CHRM2: variants seen among roughly 807,000 people sequenced by gnomAD.
The protein encoded by CHRM2 is muscarinic acetylcholine receptor M2.
CHRM2 carries 8 observed loss-of-function variants against 25.0 expected under a neutral mutation model. The observed-to-expected ratio is 0.32, with a 90% CI of 0.19 to 0.58. CHRM2 has a LOEUF of 0.58. Ranked by LOEUF, CHRM2 falls within the 20% of genes least tolerant of loss-of-function variation. The probability of loss-of-function intolerance (pLI) is 0.88; values close to 1 mark genes in which losing one functional copy is unlikely to be tolerated. For missense variants in CHRM2, 440 were observed against 567.1 expected (o/e 0.78, Z 2.28); for synonymous variants, 202 against 205.7 (o/e 0.98, Z 0.15).
At chr7:136,961,395 G>T (rs1250919624) in intron 2 of CHRM2, among the ~76,000 whole-genome samples, 1 of 152,098 alleles carries the variant, frequency 6.6e-6, no homozygotes, top group East Asian at 1.9e-4. Flanking sequence ...AGGTTTATCA[G>T]GAAGTAACAT....
intron 2 of CHRM2, among the ~76,000 whole-genome samples, chr7:136,910,940 G>A (rs1000261290): frequency 6.6e-6 from 1 of 151,578 alleles, no homozygotes; most frequent in Non-Finnish European, 1.5e-5. Flanking sequence ...TATTTTATAT[G>A]TCCCCATATA....
At chr7:136,887,391 A>G (rs1371592651) in intron 2 of CHRM2, among the ~76,000 whole-genome samples, 1 of 152,010 alleles carries the variant, frequency 6.6e-6, no homozygotes, top group Non-Finnish European at 1.5e-5. Context: ...TAGAATTGTC[A>G]ATCTCTGGTG....
intron 2 of CHRM2, among the ~76,000 whole-genome samples, chr7:136,946,589 GTTTA>G (rs1563082888): frequency 2.0e-5 from 3 of 152,072 alleles, no homozygotes; most frequent in African/African-American, 7.2e-5. Flanking sequence ...TTTTGTGGGG[GTTTA>G]TTTGTTCTAT....
intron 2 of CHRM2, among the ~76,000 whole-genome samples, chr7:136,982,077 C>A (rs145818763): frequency 6.6e-6 from 1 of 152,116 alleles, no homozygotes; most frequent in African/African-American, 2.4e-5. Flanking sequence ...GTTTAGGAGT[C>A]TAAGTCTCTT....
At chr7:136,980,140 C>T (rs324616) in intron 2 of CHRM2, among the ~76,000 whole-genome samples, 128,933 of 152,122 alleles carry the variant, frequency 0.85, 55,586 homozygotes, top group Middle Eastern at 0.97. Context: ...GTTTGTAGTT[C>T]TCCTTAAAGA....
chr7:136,878,095 C>G (rs1796117203), intron 2 of CHRM2, among the ~76,000 whole-genome samples: 2 of 151,916 alleles, frequency 1.3e-5, no homozygotes. Context: ...GGCACTGTTA[C>G]AAAGGGAAGA....
At chr7:136,875,887 T>G (rs143883601) in intron 2 of CHRM2, among the ~76,000 whole-genome samples, 2 of 152,248 alleles carry the variant, frequency 1.3e-5, no homozygotes, top group East Asian at 3.9e-4. Context: ...TTCCCCTTTA[T>G]TCTCCTCCTC....
intron 2 of CHRM2, among the ~76,000 whole-genome samples, chr7:136,923,997 A>T (rs542435554): frequency 4.9e-4 from 75 of 152,332 alleles, no homozygotes; most frequent in Non-Finnish European, 8.7e-4. Flanking sequence ...TGGGTGACAG[A>T]GTGAGACTCT....
chr7:137,007,177 C>A (rs542508764), intron 3 of CHRM2, among the ~76,000 whole-genome samples: 1 of 152,160 alleles, frequency 6.6e-6, no homozygotes, highest in African/African-American at 2.4e-5. Context: ...CACATCTGAC[C>A]AGCCTTGCTC....
In CHRM2 at chr7:136,904,322, T is replaced by C. The variant is rs186689829; in HGVS notation, c.-125+34904T>C. 9.4e-4 allele frequency among the ~76,000 whole-genome samples: 143 copies of C among 152,032 alleles called. 3 individuals carry two copies. Among genetic ancestry groups the C allele is most frequent in the Admixed American group, 9.3e-3 (142 of 15,238 alleles). On this transcript the variant is annotated intron_variant, in intron 2 of 3. Transcript: ENST00000680005. ...AACAGTTTTAAAAATTATTATAACA[T>C]TTTTCTAAGTCACTTGCCTATTCAC... is the stretch of plus-strand genomic sequence containing the variant.
rs191497844 is a variant in CHRM2 at position 136,950,484 on chromosome 7, G to C, written c.-124-41703G>C. Among the ~76,000 whole-genome samples, 32 of 152,252 alleles carry C rather than the reference G, an allele frequency of 2.1e-4. 1 individual carries two copies. Among genetic ancestry groups the C allele is most frequent in the Admixed American group, 2.0e-3 (30 of 15,298 alleles). ...TCAGAGGAGTGGGGGTTATTTGCCA[G>C]GAAATGGATGGTGCCTGAGGCTTTC... On this transcript the variant is annotated intron_variant, in intron 2 of 3. Transcript: ENST00000680005.
At chr7:136,902,536 G>A (rs1428090775) in intron 2 of CHRM2, 2 of 152,102 alleles carry the variant, frequency 1.3e-5, no homozygotes, top group Non-Finnish European at 2.9e-5. Context: ...AATCCTAGAT[G>A]ACTCTTATGA....
chr7:136,920,360 A>C (rs546236769), intron 2 of CHRM2, among the ~76,000 whole-genome samples: 1 of 152,148 alleles, frequency 6.6e-6, no homozygotes, highest in Non-Finnish European at 1.5e-5. Flanking sequence ...CATGTTTGCA[A>C]GTGACTGAGA....
chr7:136,954,423 C>T (rs1386070894), intron 2 of CHRM2, among the ~76,000 whole-genome samples: 2 of 152,118 alleles, frequency 1.3e-5, no homozygotes, highest in Non-Finnish European at 2.9e-5. Context: ...ATGATTCTGT[C>T]GATTTCTTCC....
chr7:136,990,847 T>C (rs1803176024), intron 2 of CHRM2, among the ~76,000 whole-genome samples: 1 of 152,158 alleles, frequency 6.6e-6, no homozygotes, highest in Admixed American at 6.6e-5. Flanking sequence ...CAGCAGTAGA[T>C]GAATGTTTCT....
chr7:136,942,029 G>A (rs1799801166), intron 2 of CHRM2, among the ~76,000 whole-genome samples: 1 of 152,068 alleles, frequency 6.6e-6, no homozygotes, highest in Non-Finnish European at 1.5e-5. Flanking sequence ...ATAATGAACT[G>A]GAAACACCTG....
chr7:136,919,934 C>T (rs1201143858), intron 2 of CHRM2, among the ~76,000 whole-genome samples: 3 of 152,020 alleles, frequency 2.0e-5, no homozygotes, highest in Non-Finnish European at 2.9e-5. Flanking sequence ...CTCATGGTGA[C>T]GTGGTCTTTT....
chr7:136,955,991 GAT>G (rs1800700969), intron 2 of CHRM2, among the ~76,000 whole-genome samples: 1 of 152,054 alleles, frequency 6.6e-6, no homozygotes, highest in Non-Finnish European at 1.5e-5. Flanking sequence ...TGTTTCAACT[GAT>G]ATTTACTGAG....
chr7:136,995,406 A>G (rs949035158), intron 3 of CHRM2, among the ~76,000 whole-genome samples: 1 of 152,188 alleles, frequency 6.6e-6, no homozygotes, highest in Non-Finnish European at 1.5e-5. Context: ...TAAGTAAAAA[A>G]TATTTCTTGA....
Sources: allele counts gnomAD v4.1 joint callset (sites outside exome capture counted in the v4.1 genomes callset), GRCh38; gene constraint gnomAD v4.1.1; transcripts MANE v1.5; gene names NCBI Gene and HGNC (gene_info 2026-07-23, HGNC 2026-07-21).